The following ADAMTSL1 variants were observed in gnomAD, a reference collection of about 807,000 sequenced individuals.
The protein encoded by ADAMTSL1 is ADAMTS like 1.
In ADAMTSL1, 126 loss-of-function variants were observed where a neutral mutation model predicts 201.8. The ratio of observed to expected loss-of-function variants is 0.62; its 90% confidence interval spans 0.54 to 0.72. ADAMTSL1 has a LOEUF of 0.72. Ranked by LOEUF, ADAMTSL1 falls within the 30% of genes least tolerant of loss-of-function variation. The pLI is 0.00. For synonymous variants in ADAMTSL1, 1,121 were observed against 903.4 expected (o/e 1.24, Z -4.32); for missense variants, 2,679 against 2,277.8 (o/e 1.18, Z -3.59).
chr9:18,055,841 G>C (rs1822157493), intron 1 of ADAMTSL1, among the ~76,000 whole-genome samples: 1 of 152,210 alleles, frequency 6.6e-6, no homozygotes, highest in Non-Finnish European at 1.5e-5. Flanking sequence ...TTGCCATGCT[G>C]TCAAGGTTTA....
At chr9:18,603,358 ATG>A (rs1471447690) in intron 4 of ADAMTSL1, among the ~76,000 whole-genome samples, 7 of 137,950 alleles carry the variant, frequency 5.1e-5, no homozygotes, top group African/African-American at 2.0e-4. Context: ...ATGCTATGCT[ATG>A]CTATGCTATG....
intron 2 of ADAMTSL1, among the ~76,000 whole-genome samples, chr9:18,528,477 A>G (rs1293823187): frequency 1.3e-5 from 2 of 151,992 alleles, no homozygotes; most frequent in African/African-American, 2.4e-5. Flanking sequence ...CTGTTCCTCC[A>G]TTAGTTTGCT....
intron 4 of ADAMTSL1, among the ~76,000 whole-genome samples, chr9:18,587,698 A>C (rs1338604662): frequency 6.6e-6 from 1 of 152,020 alleles, no homozygotes; most frequent in Non-Finnish European, 1.5e-5. Context: ...AAACAGATCC[A>C]CTTTTTAGCT....
intron 2 of ADAMTSL1, among the ~76,000 whole-genome samples, chr9:18,209,445 C>T (rs1364059640): frequency 2.0e-5 from 3 of 152,108 alleles, no homozygotes; most frequent in Admixed American, 2.0e-4. Flanking sequence ...CATTGGAGAC[C>T]TATTATAAAT....
intron 2 of ADAMTSL1, among the ~76,000 whole-genome samples, chr9:18,192,281 G>A (rs1488984354): frequency 2.0e-5 from 3 of 152,106 alleles, no homozygotes; most frequent in Non-Finnish European, 4.4e-5. Flanking sequence ...TCACCACTTA[G>A]AGCATGTCAG....
At chr9:18,647,224 G>A (rs1197043672) in intron 7 of ADAMTSL1, among the ~76,000 whole-genome samples, 12 of 152,094 alleles carry the variant, frequency 7.9e-5, no homozygotes, top group South Asian at 6.3e-4. Flanking sequence ...CTGTGGGATC[G>A]GTGGTGATAT....
intron 2 of ADAMTSL1, among the ~76,000 whole-genome samples, chr9:18,166,756 C>T (rs1274738363): frequency 6.6e-6 from 1 of 151,872 alleles, no homozygotes; most frequent in African/African-American, 2.4e-5. Context: ...AAAATTCTTC[C>T]GGAAAAGTTT....
chr9:18,857,767 C>T (rs931500244), intron 23 of ADAMTSL1, among the ~76,000 whole-genome samples: 1 of 152,176 alleles, frequency 6.6e-6, no homozygotes, highest in African/African-American at 2.4e-5. Flanking sequence ...CTTGTGGCCT[C>T]CTGTCTTATC....
intron 3 of ADAMTSL1, among the ~76,000 whole-genome samples, chr9:18,568,575 T>A (rs761960261): frequency 5.9e-5 from 9 of 152,174 alleles, no homozygotes; most frequent in Admixed American, 2.6e-4. Context: ...CCGCAGTTGT[T>A]GGAGGATAAA....
At chr9:18,001,519 G>A (rs772645776) in intron 1 of ADAMTSL1, among the ~76,000 whole-genome samples, 1 of 152,054 alleles carries the variant, frequency 6.6e-6, no homozygotes, top group Non-Finnish European at 1.5e-5. Context: ...CATGGCACAT[G>A]GAGAAGGTGC....
intron 16 of ADAMTSL1, among the ~76,000 whole-genome samples, chr9:18,766,938 T>A (rs1820401261): frequency 6.6e-6 from 1 of 152,182 alleles, no homozygotes; most frequent in African/African-American, 2.4e-5. Context: ...GTATGCTGAT[T>A]TCTTATTTAT....
intron 1 of ADAMTSL1, among the ~76,000 whole-genome samples, chr9:18,093,236 T>G (rs149202242): frequency 3.9e-5 from 6 of 152,312 alleles, no homozygotes; most frequent in Admixed American, 6.5e-5. Flanking sequence ...ATCTGCAGTA[T>G]TTTTCAAAGG....
At chr9:18,292,744 C>A (rs1212902958) in intron 2 of ADAMTSL1, among the ~76,000 whole-genome samples, 1 of 152,200 alleles carries the variant, frequency 6.6e-6, no homozygotes, top group African/African-American at 2.4e-5. Context: ...TTGCCAGGGT[C>A]TCTCAGGTCT....
chr9:17,920,081 A>C (rs2383050), intron 1 of ADAMTSL1, among the ~76,000 whole-genome samples: 131,304 of 152,150 alleles, frequency 0.86, 56,804 homozygotes, highest in East Asian at 0.94. Flanking sequence ...AATGATGTTG[A>C]GGATCTTTTC....
chr9:18,505,240 C>CCTTTCA (rs1823063162), intron 2 of ADAMTSL1, among the ~76,000 whole-genome samples: 1 of 152,078 alleles, frequency 6.6e-6, no homozygotes, highest in African/African-American at 2.4e-5. Flanking sequence ...CATGTTAGGA[C>CCTTTCA]TGGAAGGAGT....
chr9:18,228,592 A>C (rs1409175248), intron 2 of ADAMTSL1, among the ~76,000 whole-genome samples: 2 of 151,854 alleles, frequency 1.3e-5, no homozygotes, highest in African/African-American at 4.8e-5. Context: ...GCTAATTTTT[A>C]AAATTTTTAT....
Position 18,000,558 on chromosome 9 carries a change from A to G in ADAMTSL1, c.87+93636A>G, listed in dbSNP as rs561133628. On this transcript the variant is annotated intron_variant, in intron 1 of 29. Transcript: ENST00000680146. ...CCATAGGGTTCTTTCTGTGTTAGTC[A>G]TCTTGCTTCTAGGAATTTATAGGTG... Among the ~76,000 whole-genome samples the G allele has an allele frequency of 7.2e-5, 11 of 152,148 alleles. No homozygotes were observed. In the South Asian group the frequency reaches 1.0e-3, roughly 14 times the overall value.
Position 18,753,502 on chromosome 9 carries a change from G to C in ADAMTSL1, c.2211G>C (p.Trp737Cys). Residue 737 changes from tryptophan to cysteine, a missense_variant, in exon 16 of 29, where the codon TGG (tryptophan) becomes TGC (cysteine). Trp to Cys is a radical substitution (Grantham distance 215). Transcript: ENST00000380548. ...NCPPAWYPAQ[W>C]QPCSRTCGGG... ...CCCCAGCCTGGTACCCTGCACAGTG[G>C]CAGCCGGTGAGTTCTGAAGTTACTC... The C allele has an allele frequency of 6.2e-7, 1 of 1,610,524 alleles. No homozygotes were observed. The highest frequency in any genetic ancestry group is 8.5e-7 in the Non-Finnish European group (1 of 1,179,154).
At chr9:18,711,653 G>A (rs1357394638) in intron 14 of ADAMTSL1, among the ~76,000 whole-genome samples, 5 of 152,004 alleles carry the variant, frequency 3.3e-5, no homozygotes, top group Non-Finnish European at 7.4e-5. Flanking sequence ...ACTGCAAGGT[G>A]GCAGCGAGGC....
Sources: allele counts gnomAD v4.1 joint callset (sites outside exome capture counted in the v4.1 genomes callset), GRCh38; gene constraint gnomAD v4.1.1; transcripts MANE v1.5; gene names NCBI Gene and HGNC (gene_info 2026-07-23, HGNC 2026-07-21).